The following TSHZ2 variants were observed in gnomAD, a reference collection of about 807,000 sequenced individuals.
TSHZ2 encodes the protein teashirt homolog 2.
A neutral mutation model predicts 74.4 loss-of-function variants in TSHZ2; 21 were observed. That is an observed-to-expected ratio of 0.28 (90% CI 0.20 to 0.41). The LOEUF (loss-of-function observed/expected upper bound fraction) is 0.41. Among genes scored for constraint, TSHZ2 ranks in the 10% least tolerant of loss-of-function variants. The pLI, the probability that TSHZ2 is intolerant of heterozygous loss-of-function variation, is 1.00. For synonymous variants in TSHZ2, 540 were observed against 515.3 expected, an observed-to-expected ratio of 1.05 and a Z score of -0.65; for missense variants, 1,244 against 1,293.5, an observed-to-expected ratio of 0.96 and a Z score of 0.59.
intron 2 of TSHZ2, among the ~76,000 whole-genome samples, chr20:53,308,362 C>G (rs760135234): frequency 5.3e-5 from 8 of 152,010 alleles, no homozygotes; most frequent in Admixed American, 1.3e-4. Flanking sequence ...ATAGGTGACA[C>G]CAGTGACTTG....
At chr20:53,320,569 C>G (rs987583441) in intron 2 of TSHZ2, among the ~76,000 whole-genome samples, 1 of 152,186 alleles carries the variant, frequency 6.6e-6, no homozygotes, top group Non-Finnish European at 1.5e-5. Context: ...ACTGTAGCAT[C>G]AAAATCCTTT....
intron 1 of TSHZ2, among the ~76,000 whole-genome samples, chr20:53,124,204 C>T (rs538332786): frequency 3.9e-5 from 6 of 152,268 alleles, no homozygotes; most frequent in South Asian, 2.1e-4. Flanking sequence ...TTTCCTGGGC[C>T]GGCCCTTCAC....
intron 1 of TSHZ2, among the ~76,000 whole-genome samples, chr20:53,110,575 TAAG>T (rs1986503785): frequency 6.6e-6 from 1 of 151,990 alleles, no homozygotes; most frequent in African/African-American, 2.4e-5. Context: ...AAAAAAATGT[TAAG>T]AAGATACGTG....
chr20:53,108,884 A>T (rs1295141735), intron 1 of TSHZ2, among the ~76,000 whole-genome samples: 1 of 151,474 alleles, frequency 6.6e-6, no homozygotes, highest in Non-Finnish European at 1.5e-5. Flanking sequence ...CAACAATTTC[A>T]TACCATTAAT....
chr20:53,382,714 G>C (rs184942816), intron 2 of TSHZ2, among the ~76,000 whole-genome samples: 1 of 152,304 alleles, frequency 6.6e-6, no homozygotes, highest in Admixed American at 6.5e-5. Context: ...AGGAGACCAG[G>C]ATCATATAGT....
intron 2 of TSHZ2, among the ~76,000 whole-genome samples, chr20:53,315,549 C>T (rs535845892): frequency 2.0e-5 from 3 of 152,292 alleles, no homozygotes; most frequent in Non-Finnish European, 2.9e-5. Context: ...TAAATAACTG[C>T]GATATTCTAT....
chr20:53,094,388 T>A (rs1370090309), intron 1 of TSHZ2, among the ~76,000 whole-genome samples: 2 of 152,178 alleles, frequency 1.3e-5, no homozygotes, highest in Non-Finnish European at 2.9e-5. Context: ...CCATCTCTGG[T>A]ATATGAGCCA....
intron 1 of TSHZ2, among the ~76,000 whole-genome samples, chr20:53,172,749 A>C (rs1243810442): frequency 6.6e-6 from 1 of 152,194 alleles, no homozygotes; most frequent in African/African-American, 2.4e-5. Context: ...CACGGCTAGA[A>C]AGAGGGAAAG....
chr20:53,478,761 T>C (rs962086477), intron 2 of TSHZ2, among the ~76,000 whole-genome samples: 33 of 152,138 alleles, frequency 2.2e-4, no homozygotes, highest in Non-Finnish European at 4.1e-4. Flanking sequence ...GCAGACTCAC[T>C]GTTGACATTT....
intron 2 of TSHZ2, among the ~76,000 whole-genome samples, chr20:53,338,437 A>G (rs1980045299): frequency 6.6e-6 from 1 of 152,230 alleles, no homozygotes; most frequent in Non-Finnish European, 1.5e-5. Flanking sequence ...TCTCTCTTCC[A>G]AAAGGAGTAA....
intron 1 of TSHZ2, among the ~76,000 whole-genome samples, chr20:53,157,663 A>T (rs1353923505): frequency 6.6e-6 from 1 of 152,206 alleles, no homozygotes; most frequent in Non-Finnish European, 1.5e-5. Context: ...GTTAACACCA[A>T]GTGAAACTAG....
At chr20:53,218,744 A>G (rs1246360991) in intron 1 of TSHZ2, among the ~76,000 whole-genome samples, 2 of 152,248 alleles carry the variant, frequency 1.3e-5, no homozygotes, top group Admixed American at 6.5e-5. Flanking sequence ...GTCTCTCAAA[A>G]GTGAGAAAAC....
chr20:53,044,942 C>A (rs1221286948), intron 1 of TSHZ2, among the ~76,000 whole-genome samples: 1 of 152,144 alleles, frequency 6.6e-6, no homozygotes. Flanking sequence ...GAACTCCTGG[C>A]CTCGAGTGAT....
At chr20:53,185,207 C>CT in intron 1 of TSHZ2, 23 of 987,336 alleles carry the variant, frequency 2.3e-5, no homozygotes, top group Non-Finnish European at 2.8e-5. Context: ...TGTCTGGGAG[C>CT]TTTTTACTGT....
intron 1 of TSHZ2, among the ~76,000 whole-genome samples, chr20:53,148,710 A>T (rs1987604071): frequency 6.6e-6 from 1 of 152,186 alleles, no homozygotes; most frequent in African/African-American, 2.4e-5. Context: ...ACATCTCCCA[A>T]TCTTTTCTGA....
At chr20:53,371,352 C>G (rs1410760774) in intron 2 of TSHZ2, among the ~76,000 whole-genome samples, 1 of 152,230 alleles carries the variant, frequency 6.6e-6, no homozygotes, top group East Asian at 1.9e-4. Context: ...CAAAATCTGT[C>G]TCTCCAGGAA....
At chr20:53,143,210 T>G (rs1177951110) in intron 1 of TSHZ2, among the ~76,000 whole-genome samples, 1 of 152,210 alleles carries the variant, frequency 6.6e-6, no homozygotes, top group Non-Finnish European at 1.5e-5. Context: ...CCGACAGGCT[T>G]CTACAGAAGA....
At chr20:53,181,551 C>A (rs1164775542) in intron 1 of TSHZ2, among the ~76,000 whole-genome samples, 4 of 152,160 alleles carry the variant, frequency 2.6e-5, no homozygotes, top group Non-Finnish European at 5.9e-5. Context: ...AAATCAGGGG[C>A]TCTGAGGAGT....
At chr20:53,036,770 A>G (rs1025251926) in intron 1 of TSHZ2, among the ~76,000 whole-genome samples, 9 of 148,048 alleles carry the variant, frequency 6.1e-5, no homozygotes, top group Admixed American at 5.4e-4. Context: ...CATAAAGTAT[A>G]TATTATATAT....
Sources: allele counts gnomAD v4.1 joint callset (sites outside exome capture counted in the v4.1 genomes callset), GRCh38; gene constraint gnomAD v4.1.1; transcripts MANE v1.5; gene names NCBI Gene and HGNC (gene_info 2026-07-23, HGNC 2026-07-21).